The following WDPCP variants were observed in gnomAD, a reference collection of about 807,000 sequenced individuals.
WDPCP encodes WD repeat containing planar cell polarity effector.
In WDPCP, 71 loss-of-function variants were observed where a neutral mutation model predicts 93.1. That is an observed-to-expected ratio of 0.76 (90% CI 0.63 to 0.93). The LOEUF is 0.93. Ranked by LOEUF, WDPCP falls within the 40% of genes least tolerant of loss-of-function variation. The probability of loss-of-function intolerance (pLI) is 0.00; values close to 1 mark genes in which losing one functional copy is unlikely to be tolerated. For missense variants in WDPCP, 844 were observed against 887.4 expected, an observed-to-expected ratio of 0.95 and a Z score of 0.62; for synonymous variants, 315 against 315.0, an observed-to-expected ratio of 1.00 and a Z score of 0.00.
chr2:63,698,881 C>T lies in WDPCP; in HGVS notation n.309-48043G>A, dbSNP rs77145623. ...CATGTAGCCATCTTTTCCCAGACTA[C>T]ACCCTCTGACAGGATGCAGTTATAC... On this transcript the variant is annotated intron_variant and non_coding_transcript_variant, in intron 2 of 4. Coordinates refer to the WDPCP transcript ENST00000467687. 1.2e-4 allele frequency among the ~76,000 whole-genome samples: 18 copies of T among 152,306 alleles called. No individual in the cohort carries two copies. The East Asian group carries it at 2.9e-3, about 24-fold the overall frequency.
intron 13 of WDPCP, among the ~76,000 whole-genome samples, chr2:63,273,554 A>G (rs975033945): frequency 5.9e-5 from 9 of 152,200 alleles, no homozygotes; most frequent in Non-Finnish European, 8.8e-5. Context: ...TTAAAAAGAC[A>G]TGACCCAACT....
chr2:63,638,175 G>T (rs192848849), intron 3 of WDPCP, among the ~76,000 whole-genome samples: 5 of 152,296 alleles, frequency 3.3e-5, no homozygotes, highest in African/African-American at 1.2e-4. Flanking sequence ...GGTGGGCAAA[G>T]GGTGCAAACC....
At chr2:63,353,069 G>A (rs752959658) in intron 12 of WDPCP, among the ~76,000 whole-genome samples, 8 of 152,024 alleles carry the variant, frequency 5.3e-5, no homozygotes, top group East Asian at 3.8e-4. Flanking sequence ...TGGCCCACCC[G>A]GAAGCAACAC....
intron 17 of WDPCP, among the ~76,000 whole-genome samples, chr2:63,152,235 G>A (rs536225513): frequency 2.0e-5 from 3 of 150,230 alleles, no homozygotes; most frequent in South Asian, 2.1e-4. Flanking sequence ...TGTATTACCC[G>A]CTACCCAGCT....
At chr2:63,323,957 C>G (rs558739886) in intron 12 of WDPCP, among the ~76,000 whole-genome samples, 5 of 152,154 alleles carry the variant, frequency 3.3e-5, no homozygotes, top group South Asian at 2.1e-4. Context: ...GCGGTTTTGT[C>G]TTTCAGATGG....
At chr2:63,698,682 TAGCA>T (rs1419291313) in intron 2 of WDPCP, among the ~76,000 whole-genome samples, 6 of 152,192 alleles carry the variant, frequency 3.9e-5, no homozygotes, top group African/African-American at 7.2e-5. Context: ...ATTTCCTGGC[TAGCA>T]AGAGAACACC....
intron 2 of WDPCP, among the ~76,000 whole-genome samples, chr2:63,716,936 A>C (rs965248878): frequency 2.6e-5 from 4 of 152,236 alleles, no homozygotes; most frequent in African/African-American, 9.6e-5. Context: ...ATTCAGTGCT[A>C]CATGTACTGA....
chr2:63,438,131 G>T, intron 7 of WDPCP: 2 of 700,012 alleles, frequency 2.9e-6, no homozygotes, highest in Non-Finnish European at 3.8e-6. Context: ...CTACAGCTTT[G>T]TCACCAAAGC....
intron 6 of WDPCP, among the ~76,000 whole-genome samples, chr2:63,450,490 C>T (rs925577120): frequency 6.6e-6 from 1 of 152,166 alleles, no homozygotes; most frequent in Non-Finnish European, 1.5e-5. Flanking sequence ...ACCTGGCCCA[C>T]CACTGCCACT....
chr2:63,597,208 T>C, intron 3 of WDPCP: 1 of 870,462 alleles, frequency 1.1e-6, no homozygotes, highest in African/African-American at 1.8e-5. Context: ...GCAAAATAAA[T>C]CTATTGACAT....
intron 10 of WDPCP, among the ~76,000 whole-genome samples, chr2:63,395,536 T>C (rs1432489336): frequency 2.6e-5 from 4 of 152,126 alleles, no homozygotes; most frequent in Admixed American, 2.6e-4. Flanking sequence ...TCTAGCTCCA[T>C]CCATGTTGCT....
At chr2:63,241,895 C>A (rs1679884908) in intron 14 of WDPCP, among the ~76,000 whole-genome samples, 1 of 152,098 alleles carries the variant, frequency 6.6e-6, no homozygotes, top group Non-Finnish European at 1.5e-5. Context: ...TGCACCTAGG[C>A]TCATGACTTT....
At chr2:63,141,571 T>C (rs1470337622) in intron 17 of WDPCP, among the ~76,000 whole-genome samples, 7 of 152,206 alleles carry the variant, frequency 4.6e-5, no homozygotes, top group Admixed American at 1.3e-4. Flanking sequence ...GATATCGGTC[T>C]ATAGTTTTCT....
At chr2:63,472,675 G>C (rs759662537) in intron 6 of WDPCP, among the ~76,000 whole-genome samples, 1 of 151,640 alleles carries the variant, frequency 6.6e-6, no homozygotes, top group South Asian at 2.1e-4. Flanking sequence ...TGCAACCTTC[G>C]CCTCCTCCCG....
chr2:63,182,063 T>C (rs1559180554), intron 14 of WDPCP, among the ~76,000 whole-genome samples: 1 of 152,084 alleles, frequency 6.6e-6, no homozygotes, highest in Non-Finnish European at 1.5e-5. Flanking sequence ...GTCTTTGGGA[T>C]TTTCTAGGTA....
chr2:63,357,003 G>A (rs1364740411), intron 12 of WDPCP, among the ~76,000 whole-genome samples: 1 of 152,056 alleles, frequency 6.6e-6, no homozygotes, highest in Non-Finnish European at 1.5e-5. Context: ...TCCAACAAAG[G>A]ACAAATATAA....
intron 13 of WDPCP, among the ~76,000 whole-genome samples, chr2:63,292,443 T>C (rs1294709009): frequency 6.6e-6 from 1 of 152,182 alleles, no homozygotes; most frequent in African/African-American, 2.4e-5. Context: ...ACATGTTTAA[T>C]GTGGGATTTT....
intron 2 of WDPCP, among the ~76,000 whole-genome samples, chr2:63,779,440 A>G (rs1385617847): frequency 6.6e-6 from 1 of 152,158 alleles, no homozygotes; most frequent in East Asian, 1.9e-4. Context: ...TACTTGGGGT[A>G]ATTATATTAA....
chr2:63,360,147 G>A (rs949113884), intron 12 of WDPCP: 1 of 152,126 alleles, frequency 6.6e-6, no homozygotes, highest in Non-Finnish European at 1.5e-5. Flanking sequence ...TTATATATGT[G>A]TGAAAAAGAA....
Sources: gnomAD v4.1 joint callset for allele counts (sites outside exome capture counted in the v4.1 genomes callset) on GRCh38, gnomAD v4.1.1 for gene constraint, MANE v1.5 for transcripts, NCBI Gene and HGNC (gene_info 2026-07-23, HGNC 2026-07-21) for gene names.